The following DNAH8 variants were observed in gnomAD, a reference collection of about 807,000 sequenced individuals.
DNAH8 encodes the protein axonemal beta dynein heavy chain 8.
In DNAH8, 382 loss-of-function variants were observed where a neutral mutation model predicts 562.1. The ratio of observed to expected loss-of-function variants is 0.68; its 90% CI spans 0.63 to 0.74. The LOEUF is 0.74. Among genes scored for constraint, DNAH8 ranks in the 30% least tolerant of loss-of-function variants. The pLI is 0.00. For synonymous variants in DNAH8, 1,881 were observed against 1,919.4 expected (o/e 0.98, Z 0.52); for missense variants, 5,203 against 5,620.4 (o/e 0.93, Z 2.37).
intron 32 of DNAH8, among the ~76,000 whole-genome samples, chr6:38,836,460 A>AAAC (rs1287487855): frequency 1.3e-5 from 2 of 151,530 alleles, no homozygotes; most frequent in East Asian, 1.9e-4. Context: ...AAAAAAAACA[A>AAAC]AACAACAACA....
At chr6:38,742,605 T>TTTTCTTTCTTTCTTTAAATGTA (rs1554197693) in intron 8 of DNAH8, among the ~76,000 whole-genome samples, 2 of 151,986 alleles carry the variant, frequency 1.3e-5, no homozygotes, top group East Asian at 3.9e-4. Context: ...CCTGGCTTCT[T>TTTTCTTTCTTTCTTTAAATGTA]TTTCTTTCTT....
At position 39,017,566 on chromosome 6, in the gene DNAH8, C is replaced by T. The variant is rs115069263; in HGVS notation, c.13714+4929C>T. 5.7e-3 allele frequency among the ~76,000 whole-genome samples: 864 copies of T among 152,122 alleles called. 8 individuals carry two copies. The highest frequency in any genetic ancestry group is 0.02 in the African/African-American group (814 of 41,470). ...TATAGTAGATTGAACCATGCAGTCC[C>T]GTTATTTTCCGAACGTTTAGCTCAA... On this transcript the variant is annotated intron_variant, in intron 91 of 92. Transcript: ENST00000327475.
chr6:38,887,420 A>G (rs1003277475), intron 57 of DNAH8, among the ~76,000 whole-genome samples: 9 of 152,244 alleles, frequency 5.9e-5, no homozygotes, highest in Non-Finnish European at 1.3e-4. Flanking sequence ...TTATGCCATC[A>G]AAACTTATGT....
intron 81 of DNAH8, among the ~76,000 whole-genome samples, chr6:38,950,533 G>A (rs1488478627): frequency 1.3e-5 from 2 of 151,104 alleles, no homozygotes; most frequent in African/African-American, 4.9e-5. Flanking sequence ...TCCGCCTCCC[G>A]GGTTCACTCC....
chr6:38,951,311 T>C lies in DNAH8; in HGVS notation c.12249-7T>C, dbSNP rs373609368. On this transcript the variant is annotated splice_region_variant and splice_polypyrimidine_tract_variant and intron_variant, in intron 81 of 92. Coordinates refer to ENST00000327475, the MANE Select transcript of DNAH8 (RefSeq NM_001206927.2). ...GTTTATTTCGCCTAACTTGTATTCA[T>C]TTTTAGGTCTTGGTGCCCAGACCGT... The C allele has an allele frequency of 7.4e-6, 12 of 1,613,028 alleles. No individual in the cohort carries two copies. Among genetic ancestry groups the C allele is most frequent in the Non-Finnish European group, 1.0e-5 (12 of 1,179,190 alleles).
In DNAH8 at chr6:38,741,565, C is replaced by T. The variant is rs1277626020; in HGVS notation, c.1117-146C>T. On this transcript the variant is annotated intron_variant, in intron 7 of 92. Transcript: ENST00000327475. ...TATCTATCATATTGAAGACATTCTC[C>T]TCTAGTCTTCATTTACTGAGAGTTT... 3 of 611,034 alleles carry T rather than the reference C, an allele frequency of 4.9e-6. No individual in the cohort carries two copies. The East Asian group carries it at 8.7e-5, about 18-fold the overall frequency. The allele number at this position is 611,034 out of a possible 1,614,324, so 37.9% of individuals were successfully genotyped here. A position where few individuals can be genotyped will look rare whatever the true frequency, so the allele number is the denominator to read the frequency against.
At chr6:38,920,332 A>G (rs1348121142) in intron 70 of DNAH8, among the ~76,000 whole-genome samples, 1 of 152,208 alleles carries the variant, frequency 6.6e-6, no homozygotes, top group African/African-American at 2.4e-5. Context: ...TAAATGAAAT[A>G]AAAGTTTTAT....
At chr6:38,894,506 A>T (rs960518919) in intron 58 of DNAH8, among the ~76,000 whole-genome samples, 195 bp from the exon 59 acceptor site, 2 of 152,206 alleles carry the variant, frequency 1.3e-5, no homozygotes, top group African/African-American at 4.8e-5. Context: ...CCAAGAGATT[A>T]TGGTCTTTTA....
intron 82 of DNAH8, among the ~76,000 whole-genome samples, chr6:38,960,841 A>G (rs1762561716): frequency 1.3e-5 from 2 of 152,014 alleles, no homozygotes; most frequent in African/African-American, 4.8e-5. Context: ...ATTTAAAAAA[A>G]CGAAGTGAAA....
chr6:38,910,649 TCTTTA>T (rs1215955859), intron 65 of DNAH8, among the ~76,000 whole-genome samples: 2 of 152,192 alleles, frequency 1.3e-5, no homozygotes, highest in Non-Finnish European at 2.9e-5. Flanking sequence ...AAAATCTGTT[TCTTTA>T]CTTTGAAAAT....
At chr6:38,804,425 G>A (rs1236480793) in intron 22 of DNAH8, among the ~76,000 whole-genome samples, 2 of 152,184 alleles carry the variant, frequency 1.3e-5, no homozygotes, top group African/African-American at 4.8e-5. Flanking sequence ...TGTAGTTGGA[G>A]GTTTTACTTG....
At chr6:38,854,865 A>G (rs1283134850) in intron 41 of DNAH8, among the ~76,000 whole-genome samples, 4 of 149,806 alleles carry the variant, frequency 2.7e-5, no homozygotes, top group African/African-American at 9.8e-5. Flanking sequence ...CATATGTATA[A>G]AATACTTTGT....
At chr6:38,861,000 C>T (rs6458075) in intron 43 of DNAH8, among the ~76,000 whole-genome samples, 10 of 151,848 alleles carry the variant, frequency 6.6e-5, no homozygotes, top group Non-Finnish European at 1.0e-4. Context: ...TGGCACCTAA[C>T]GTACATTTTC....
Position 38,848,716 on chromosome 6 carries a change from T to A in DNAH8, c.5114T>A (p.Ile1705Asn), listed in dbSNP as rs763031130. Residue 1705 changes from isoleucine to asparagine, a missense_variant, in exon 37 of 93, where the codon ATT (isoleucine) becomes AAT (asparagine). Coordinates refer to ENST00000327475, the MANE Select transcript of DNAH8 (RefSeq NM_001206927.2). ...VYKLSTSSDIIEEWLVVQNLW... is the reference protein window; with the variant it reads ...VYKLSTSSDINEEWLVVQNLW... ...AAATTGTCCACTTCCTCAGATATAATTGAAGAGTGGCTCGTAGTACAGAAC... is the reference window on the plus strand; with the variant it reads ...AAATTGTCCACTTCCTCAGATATAAATGAAGAGTGGCTCGTAGTACAGAAC... The A allele has an allele frequency of 6.2e-7, 1 of 1,613,072 alleles. No homozygotes were observed. The highest frequency in any genetic ancestry group is 1.1e-5 in the South Asian group (1 of 91,024).
intron 57 of DNAH8, among the ~76,000 whole-genome samples, chr6:38,888,827 C>T (rs1277741044): frequency 6.6e-6 from 1 of 152,256 alleles, no homozygotes; most frequent in Non-Finnish European, 1.5e-5. Flanking sequence ...AACAATTTTG[C>T]ATCCCTGCTG....
At chr6:38,999,868 T>C (rs1765365781) in intron 88 of DNAH8, among the ~76,000 whole-genome samples, 1 of 151,624 alleles carries the variant, frequency 6.6e-6, no homozygotes, top group African/African-American at 2.4e-5. Context: ...GAAATGAATG[T>C]TCCTAATTCA....
chr6:38,743,890 C>T (rs1208782523), intron 8 of DNAH8, among the ~76,000 whole-genome samples: 2 of 151,998 alleles, frequency 1.3e-5, no homozygotes, highest in Non-Finnish European at 2.9e-5. Context: ...GTTATTATAC[C>T]TGGGGTGGAA....
chr6:38,997,163 C>T (rs1334577530), intron 88 of DNAH8, among the ~76,000 whole-genome samples: 1 of 152,136 alleles, frequency 6.6e-6, no homozygotes, highest in Non-Finnish European at 1.5e-5. Flanking sequence ...TTCTGCAGCT[C>T]TGTGTTTGGT....
intron 8 of DNAH8, among the ~76,000 whole-genome samples, chr6:38,747,427 C>T (rs370098463): frequency 6.7e-5 from 9 of 135,290 alleles, no homozygotes; most frequent in African/African-American, 2.3e-4. Flanking sequence ...CACTCTGTTG[C>T]TCAAGCTGGA....
Sources: allele counts gnomAD v4.1 joint callset (sites outside exome capture counted in the v4.1 genomes callset), GRCh38; gene constraint gnomAD v4.1.1; transcripts MANE v1.5; gene names NCBI Gene and HGNC (gene_info 2026-07-23, HGNC 2026-07-21).